Variants in EPHA6 observed in about 807,000 individuals in gnomAD.
The protein encoded by EPHA6 is EPH receptor A6, also known as ephrin type-A receptor 6.
A neutral mutation model predicts 112.0 loss-of-function variants in EPHA6; 50 were observed. The observed-to-expected ratio is 0.45, with a 90% confidence interval of 0.36 to 0.56. EPHA6 has a LOEUF of 0.56. Ranked by LOEUF, EPHA6 falls within the 20% of genes least tolerant of loss-of-function variation. The pLI, the probability that EPHA6 is intolerant of heterozygous loss-of-function variation, is 0.00. For synonymous variants in EPHA6, 529 were observed against 490.7 expected (o/e 1.08, Z -1.03); for missense variants, 1,280 against 1,417.4 (o/e 0.90, Z 1.56).
At chr3:97,318,133 T>C (rs2108773674) in intron 5 of EPHA6, among the ~76,000 whole-genome samples, 1 of 152,010 alleles carries the variant, frequency 6.6e-6, no homozygotes, top group Non-Finnish European at 1.5e-5. Context: ...AGGCTGTAAC[T>C]GAAACACAAT....
At chr3:97,718,256 T>C (rs1576345838) in intron 14 of EPHA6, among the ~76,000 whole-genome samples, 1 of 152,340 alleles carries the variant, frequency 6.6e-6, no homozygotes, top group South Asian at 2.1e-4. Flanking sequence ...CTAGTATTGG[T>C]GCACAAATAC....
intron 3 of EPHA6, among the ~76,000 whole-genome samples, chr3:97,015,643 A>C (rs1335424818): frequency 6.6e-6 from 1 of 152,198 alleles, no homozygotes; most frequent in Non-Finnish European, 1.5e-5. Flanking sequence ...TGATAATCAA[A>C]AGGGACACAT....
chr3:96,966,604 G>A (rs532357830), intron 2 of EPHA6, among the ~76,000 whole-genome samples: 3 of 152,024 alleles, frequency 2.0e-5, no homozygotes, highest in African/African-American at 7.2e-5. Context: ...TGGATTTTTT[G>A]TAGTAAATAA....
intron 3 of EPHA6, among the ~76,000 whole-genome samples, chr3:97,196,298 C>G (rs956995316): frequency 1.1e-4 from 16 of 151,884 alleles, no homozygotes; most frequent in African/African-American, 3.1e-4. Flanking sequence ...TCAACTGAAT[C>G]TTTCACCTCA....
intron 5 of EPHA6, among the ~76,000 whole-genome samples, chr3:97,297,809 G>C (rs533104459): frequency 6.6e-6 from 1 of 152,114 alleles, no homozygotes; most frequent in African/African-American, 2.4e-5. Context: ...TGTTGCCCAG[G>C]CTGGAGTGCA....
chr3:97,759,171 A>C lies in EPHA6; in HGVS notation c.*10470A>C, dbSNP rs2036096499. 6.6e-6 allele frequency among the ~76,000 whole-genome samples: 1 copy of C among 152,022 alleles called. No homozygotes were observed. The highest frequency in any genetic ancestry group is 6.6e-5 in the Admixed American group (1 of 15,262). ...TGCTCATCTGGATTAAATGCTTTTA[A>C]GAAGTCAAGATTAGAACAAAGACAT... On this transcript the variant is annotated 3_prime_UTR_variant, in exon 18 of 18. Coordinates refer to ENST00000389672, the MANE Select transcript of EPHA6 (RefSeq NM_001080448.3).
In EPHA6 at chr3:97,333,001, T is replaced by G. The variant is rs559068056; in HGVS notation, c.1607-72149T>G. ...ATGCTTGTCTATGTCTACAGAAAAC[T>G]TTGTTTTCAGTAGGAAATTGCATTA... On this transcript the variant is annotated intron_variant, in intron 5 of 17. Coordinates refer to ENST00000389672, the MANE Select transcript of EPHA6 (RefSeq NM_001080448.3). Among the ~76,000 whole-genome samples the G allele has an allele frequency of 2.7e-4, 41 of 152,218 alleles. No individual in the cohort carries two copies. The Middle Eastern group carries it at 0.01, about 38-fold the overall frequency.
chr3:96,938,523 T>A (rs1405048490), intron 2 of EPHA6, among the ~76,000 whole-genome samples: 2 of 152,160 alleles, frequency 1.3e-5, no homozygotes, highest in Non-Finnish European at 2.9e-5. Context: ...GACAATGGGA[T>A]TTTCTAGATA....
intron 6 of EPHA6, among the ~76,000 whole-genome samples, chr3:97,433,203 T>C (rs1415089261): frequency 6.6e-6 from 1 of 152,180 alleles, no homozygotes; most frequent in Non-Finnish European, 1.5e-5. Context: ...AGCACAGGTA[T>C]GTAAGTTAAT....
At chr3:96,977,705 C>G (rs1332416451) in intron 2 of EPHA6, among the ~76,000 whole-genome samples, 1 of 152,052 alleles carries the variant, frequency 6.6e-6, no homozygotes, top group Non-Finnish European at 1.5e-5. Flanking sequence ...ATTGAAAATC[C>G]ATGTATAACA....
chr3:97,481,525 G>T, intron 9 of EPHA6: 1 of 888,366 alleles, frequency 1.1e-6, no homozygotes, highest in Non-Finnish European at 1.9e-6. Context: ...GGGGCTAAGT[G>T]CAGGCCCGGG....
chr3:97,254,483 C>A (rs187929894), intron 5 of EPHA6, among the ~76,000 whole-genome samples: 5 of 152,122 alleles, frequency 3.3e-5, no homozygotes, highest in African/African-American at 1.2e-4. Flanking sequence ...CCATTGTGCC[C>A]GGCCTTAATT....
At chr3:97,027,503 GA>G (rs1472657007) in intron 3 of EPHA6, among the ~76,000 whole-genome samples, 1 of 151,942 alleles carries the variant, frequency 6.6e-6, no homozygotes, top group Non-Finnish European at 1.5e-5. Flanking sequence ...ACCTCCAAGG[GA>G]AAAAAAGGAA....
At chr3:97,054,441 T>A (rs761393248) in intron 3 of EPHA6, among the ~76,000 whole-genome samples, 1 of 152,076 alleles carries the variant, frequency 6.6e-6, no homozygotes, top group Non-Finnish European at 1.5e-5. Context: ...TTGTCACTTG[T>A]GAAGAAGGGG....
intron 2 of EPHA6, among the ~76,000 whole-genome samples, chr3:96,983,444 C>G (rs1264206068): frequency 1.3e-5 from 2 of 152,158 alleles, no homozygotes; most frequent in Non-Finnish European, 2.9e-5. Flanking sequence ...ATGGGTTTCC[C>G]TTTGTGGGTA....
chr3:96,980,773 G>T (rs1419245820), intron 2 of EPHA6, among the ~76,000 whole-genome samples: 2 of 152,116 alleles, frequency 1.3e-5, no homozygotes, highest in Non-Finnish European at 2.9e-5. Flanking sequence ...CACATCCCTG[G>T]TAAGTTGGAT....
chr3:97,342,190 A>G (rs2083339133), intron 5 of EPHA6, among the ~76,000 whole-genome samples: 1 of 152,208 alleles, frequency 6.6e-6, no homozygotes, highest in Non-Finnish European at 1.5e-5. Context: ...TGGAACTCAT[A>G]GCAAATATGG....
At chr3:97,254,119 TAA>T (rs1490576372) in intron 5 of EPHA6, among the ~76,000 whole-genome samples, 1 of 152,038 alleles carries the variant, frequency 6.6e-6, no homozygotes, top group Non-Finnish European at 1.5e-5. Context: ...ATACTTGTAT[TAA>T]GAGGTAAACA....
chr3:97,194,381 T>G (rs867361206), intron 3 of EPHA6, among the ~76,000 whole-genome samples: 20 of 151,848 alleles, frequency 1.3e-4, no homozygotes, highest in African/African-American at 4.8e-4. Context: ...TAGTTTCTAA[T>G]GTTCCTCTGG....
Sources: gnomAD v4.1 joint callset for allele counts (sites outside exome capture counted in the v4.1 genomes callset) on GRCh38, gnomAD v4.1.1 for gene constraint, MANE v1.5 for transcripts, NCBI Gene and HGNC (gene_info 2026-07-23, HGNC 2026-07-21) for gene names.